Variants in PC observed in about 807,000 individuals in gnomAD.
The protein encoded by PC is pyruvate carboxylase.
Under a neutral mutation model 107.8 loss-of-function variants are expected in PC, and 46 were observed. That is an observed-to-expected ratio of 0.43 (90% CI 0.34 to 0.55). PC has a LOEUF of 0.55. Among genes scored for constraint, PC ranks in the 20% least tolerant of loss-of-function variants. The pLI, the probability that PC is intolerant of heterozygous loss-of-function variation, is 0.04. For synonymous variants in PC, 662 were observed against 684.7 expected (o/e 0.97, Z 0.52); for missense variants, 1,241 against 1,643.1 (o/e 0.76, Z 4.23).
chr11:66,956,753 CCT>C (rs766793192), intron 1 of PC, among the ~76,000 whole-genome samples: 2 of 152,324 alleles, frequency 1.3e-5, no homozygotes, highest in East Asian at 1.9e-4. Context: ...GGCCATTTCT[CCT>C]CTCTCTCGCT....
chr11:66,896,477 T>C lies in PC; in HGVS notation c.1-24318A>G, dbSNP rs905669225. Among the ~76,000 whole-genome samples, 20 of 152,342 alleles carry C rather than the reference T, an allele frequency of 1.3e-4. No individual in the cohort carries two copies. The South Asian group carries it at 1.4e-3, about 11-fold the overall frequency. On this transcript the variant is annotated intron_variant, in intron 3 of 22. Transcript: ENST00000393960. ...CTTTGTTAGGAAGCTGCTGTCAATA[T>C]GCTGCACCCAAACAAGGGAGCAAGC... is the stretch of plus-strand genomic sequence containing the variant.
intron 3 of PC, among the ~76,000 whole-genome samples, chr11:66,910,694 G>T (rs1189056581): frequency 6.6e-6 from 1 of 152,178 alleles, no homozygotes; most frequent in African/African-American, 2.4e-5. Context: ...AAGGTTTCCA[G>T]GCCTCTACTG....
chr11:66,856,257 C>T (rs972465980), intron 12 of PC, among the ~76,000 whole-genome samples: 2 of 152,248 alleles, frequency 1.3e-5, no homozygotes, highest in Non-Finnish European at 2.9e-5. Context: ...TGCGAGGACG[C>T]ACAGCTTCCC....
At position 66,940,335 on chromosome 11, in the gene PC, A is replaced by G. The variant is rs143401192; in HGVS notation, c.-1+12095T>C. Among the ~76,000 whole-genome samples the G allele has an allele frequency of 6.2e-3, 937 of 151,450 alleles. 34 individuals carry two copies. The highest frequency in any genetic ancestry group is 1.4e-3 in the Non-Finnish European group (98 of 67,888). On this transcript the variant is annotated intron_variant, in intron 3 of 22. Transcript: ENST00000393960. Reference sequence around the variant, plus strand: ...CACTTCAGTCTCCCTGGTAGTTGGGACCACACCCGGCCCCTCTGCCCATTT... The same window carrying G: ...CACTTCAGTCTCCCTGGTAGTTGGGGCCACACCCGGCCCCTCTGCCCATTT...
At chr11:66,889,313 CA>C (rs1307540742) in intron 3 of PC, among the ~76,000 whole-genome samples, 2 of 151,840 alleles carry the variant, frequency 1.3e-5, no homozygotes, top group East Asian at 1.9e-4. Flanking sequence ...GGCAGTGGGA[CA>C]GGGGTGGCGG....
chr11:66,895,643 T>C (rs1947731613), intron 3 of PC, among the ~76,000 whole-genome samples: 1 of 151,930 alleles, frequency 6.6e-6, no homozygotes. Context: ...AATAGAAAGG[T>C]TGAAAGATAA....
At position 66,866,373 on chromosome 11, in the gene PC, G is replaced by A. The variant is rs1167408433; in HGVS notation, c.1023-24C>T. On this transcript the variant is annotated intron_variant, in intron 10 of 22. Coordinates refer to ENST00000393960, the MANE Select transcript of PC (RefSeq NM_001040716.2). This position sits in a 1 kb window ranked among gnomAD's most constrained non-coding sequence, Gnocchi z 5.4. ...CGCTGTAGGGCATTGGGGGGAGGGG[G>A]GAAAGGACGGGAGAAAGGGGGAAAC... 9 of 1,584,464 alleles carry A rather than the reference G, an allele frequency of 5.7e-6. No homozygotes were observed. The highest frequency in any genetic ancestry group is 2.2e-5 in the South Asian group (2 of 90,078).
chr11:66,919,191 G>A (rs543528118), intron 3 of PC, among the ~76,000 whole-genome samples: 1 of 152,354 alleles, frequency 6.6e-6, no homozygotes, highest in South Asian at 2.1e-4. Flanking sequence ...CAAGGGAGGT[G>A]CATCACTTGA....
intron 3 of PC, among the ~76,000 whole-genome samples, chr11:66,917,985 G>C (rs534369815): frequency 6.6e-6 from 1 of 152,234 alleles, no homozygotes; most frequent in East Asian, 1.9e-4. Flanking sequence ...GCACATACCT[G>C]ATAGAGCACC....
At chr11:66,936,267 T>G (rs1277917405) in intron 3 of PC, among the ~76,000 whole-genome samples, 2 of 143,274 alleles carry the variant, frequency 1.4e-5, no homozygotes, top group South Asian at 2.2e-4. Flanking sequence ...AAAAAAAAGG[T>G]GGGGGGGGAG....
At chr11:66,913,026 T>C (rs778253858) in intron 3 of PC, among the ~76,000 whole-genome samples, 63 of 152,102 alleles carry the variant, frequency 4.1e-4, no homozygotes, top group Admixed American at 1.2e-3. Flanking sequence ...TCAAAGCCCA[T>C]TCCTCACAGG....
chr11:66,911,746 C>A, intron 3 of PC, among the ~76,000 whole-genome samples: 1 of 152,062 alleles, frequency 6.6e-6, no homozygotes, highest in East Asian at 1.9e-4. Flanking sequence ...GAAATCCAAA[C>A]CTTAGGCTGG....
chr11:66,912,589 G>A (rs150744946), intron 3 of PC, among the ~76,000 whole-genome samples: 65 of 152,248 alleles, frequency 4.3e-4, no homozygotes, highest in African/African-American at 1.5e-3. Context: ...GCTTCCTGTG[G>A]GCACTTCCAA....
intron 3 of PC, among the ~76,000 whole-genome samples, chr11:66,880,411 G>A (rs1207044047): frequency 1.3e-5 from 2 of 152,194 alleles, no homozygotes; most frequent in Non-Finnish European, 2.9e-5. Flanking sequence ...AAGGGAGCAG[G>A]GGCCTCTGCA....
At chr11:66,906,456 G>T (rs1948167165) in intron 3 of PC, among the ~76,000 whole-genome samples, 1 of 152,162 alleles carries the variant, frequency 6.6e-6, no homozygotes, top group Non-Finnish European at 1.5e-5. Flanking sequence ...GGCACCACCT[G>T]ACAGAGAACA....
Position 66,849,920 on chromosome 11 carries a change from T to C in PC, c.2898+17A>G, listed in dbSNP as rs550788823. On this transcript the variant is annotated intron_variant, in intron 20 of 22. Transcript: ENST00000393960. ...GCATCCAGCCCCCACCCTCACACCA[T>C]GCTGGGCCTTCCCTACCTTAGAGCG... 2 of 1,613,576 alleles carry C rather than the reference T, an allele frequency of 1.2e-6. No individual in the cohort carries two copies. The highest frequency in any genetic ancestry group is 1.3e-5 in the African/African-American group (1 of 75,058).
rs1281726180 is a variant in PC, at chr11:66,853,276, A to G, written c.1476T>C (p.Pro492=). ...ACAGCTTTTGGGCCCGGTTCTGTGC[A>G]GGCCGCAGCTGGAACAGCTCTGGGT... The part of the protein sequence containing the change: ...DENPELFQLR[P]AQNRAQKLLH... The change falls in exon 13 of 23, where the codon CCT becomes CCC. Residue 492 remains proline, a synonymous_variant. Coordinates refer to ENST00000393960, the MANE Select transcript of PC (RefSeq NM_001040716.2). 1.2e-6 allele frequency: 2 copies of G among 1,614,056 alleles called. No homozygotes were observed. The highest frequency in any genetic ancestry group is 1.3e-5 in the African/African-American group (1 of 74,998).
intron 3 of PC, among the ~76,000 whole-genome samples, chr11:66,922,668 A>G (rs1307127568): frequency 6.7e-6 from 1 of 148,964 alleles, no homozygotes; most frequent in African/African-American, 2.5e-5. Flanking sequence ...GTCTTCCTCC[A>G]CTCTTTCATT....
At chr11:66,908,417 A>G (rs1452919344) in intron 3 of PC, among the ~76,000 whole-genome samples, 1 of 152,042 alleles carries the variant, frequency 6.6e-6, no homozygotes, top group African/African-American at 2.4e-5. Flanking sequence ...CTGGTGACCC[A>G]GTACGATTTA....
Sources: gnomAD v4.1 joint callset for allele counts (sites outside exome capture counted in the v4.1 genomes callset) on GRCh38, gnomAD v4.1.1 for gene constraint, Gnocchi (gnomAD v3.1) non-coding constraint, MANE v1.5 for transcripts, NCBI Gene and HGNC (gene_info 2026-07-23, HGNC 2026-07-21) for gene names.